Variants in CDH4 observed in about 807,000 individuals in gnomAD.
The protein encoded by CDH4 is cadherin 4.
In CDH4, 33 loss-of-function variants were observed where a neutral mutation model predicts 86.0. The ratio of observed to expected loss-of-function variants is 0.38; its 90% CI spans 0.29 to 0.51. The LOEUF (loss-of-function observed/expected upper bound fraction) is 0.51, where lower values mean the gene tolerates loss of function less well. Ranked by LOEUF, CDH4 falls within the 20% of genes least tolerant of loss-of-function variation. CDH4 has a pLI of 0.86. For missense variants in CDH4, 1,114 were observed against 1,307.4 expected (o/e 0.85, Z 2.28); for synonymous variants, 555 against 549.4 (o/e 1.01, Z -0.14).
intron 2 of CDH4, among the ~76,000 whole-genome samples, chr20:61,656,228 C>T (rs1049486195): frequency 9.1e-5 from 9 of 98,474 alleles, no homozygotes; most frequent in South Asian, 7.2e-4. Flanking sequence ...CGGGCAGGCG[C>T]GTGCTGGGGT....
intron 8 of CDH4, among the ~76,000 whole-genome samples, chr20:61,909,490 A>T (rs1013801157): frequency 6.6e-6 from 1 of 152,200 alleles, no homozygotes; most frequent in Non-Finnish European, 1.5e-5. Flanking sequence ...ACAGGAATTT[A>T]TTCTGTCAGT....
chr20:61,699,287 A>AG (rs60065327), intron 2 of CDH4, among the ~76,000 whole-genome samples: 2,424 of 152,174 alleles, frequency 0.016, 65 homozygotes, highest in African/African-American at 0.056. Flanking sequence ...CTGGCTGATG[A>AG]GGGGGCAGAG....
chr20:61,678,488 G>A (rs1435684670), intron 2 of CDH4, among the ~76,000 whole-genome samples: 3 of 152,208 alleles, frequency 2.0e-5, no homozygotes, highest in Admixed American at 1.3e-4. Flanking sequence ...ATGCGAAAGT[G>A]TGGTGGGCGC....
chr20:61,538,916 C>T (rs1303015106), intron 2 of CDH4, among the ~76,000 whole-genome samples: 2 of 152,292 alleles, frequency 1.3e-5, no homozygotes, highest in East Asian at 1.9e-4. Context: ...GGAGGTTGCC[C>T]CAGGGCACCG....
At chr20:61,644,636 C>T (rs1377273322) in intron 2 of CDH4, among the ~76,000 whole-genome samples, 1 of 152,224 alleles carries the variant, frequency 6.6e-6, no homozygotes, top group African/African-American at 2.4e-5. Context: ...CCCCAGGCCC[C>T]ACCCGCTGCC....
chr20:61,458,221 G>T (rs4925362), intron 2 of CDH4, among the ~76,000 whole-genome samples: 51,869 of 150,590 alleles, frequency 0.34, 10,759 homozygotes, highest in Admixed American at 0.48. Flanking sequence ...TGACAGTGCT[G>T]ATGGTGGTGG....
chr20:61,489,829 A>G (rs2085616230), intron 2 of CDH4, among the ~76,000 whole-genome samples: 1 of 152,194 alleles, frequency 6.6e-6, no homozygotes, highest in Non-Finnish European at 1.5e-5. Context: ...ATCCTAAACC[A>G]CTGTGCTGGC....
chr20:61,581,705 C>G (rs1234537241), intron 2 of CDH4, among the ~76,000 whole-genome samples: 1 of 152,224 alleles, frequency 6.6e-6, no homozygotes, highest in East Asian at 1.9e-4. Flanking sequence ...CATCCCAAGG[C>G]CCCGACTGCA....
chr20:61,437,287 C>A (rs2085288920), intron 2 of CDH4: 1 of 152,198 alleles, frequency 6.6e-6, no homozygotes, highest in African/African-American at 2.4e-5. Context: ...TGCCTTGATG[C>A]ACATTTCTTT....
chr20:61,403,373 T>A (rs928472854), intron 2 of CDH4, among the ~76,000 whole-genome samples: 4 of 152,182 alleles, frequency 2.6e-5, no homozygotes, highest in African/African-American at 9.7e-5. Context: ...GTAACTTATT[T>A]TTTCTGGAGC....
intron 2 of CDH4, among the ~76,000 whole-genome samples, chr20:61,490,455 C>T (rs1204543273): frequency 6.6e-6 from 1 of 152,302 alleles, no homozygotes; most frequent in African/African-American, 2.4e-5. Flanking sequence ...AATGCCAGCA[C>T]TTTGGGAGGC....
At chr20:61,282,728 CCCA>C (rs1211099477) in intron 2 of CDH4, among the ~76,000 whole-genome samples, 10 of 152,240 alleles carry the variant, frequency 6.6e-5, no homozygotes, top group East Asian at 1.9e-4. Context: ...TGTGTGCATG[CCCA>C]CAAGCATGCA....
In CDH4 at chr20:61,910,446, C is replaced by G; in HGVS notation, c.1213C>G (p.Arg405Gly). ...STFAGEVPEN[R>G]VETVVANLTV... Reference sequence around the variant, plus strand: ...GTTTGCAGGGGAGGTCCCCGAAAACCGCGTGGAGACCGTGGTCGCAAACCT... The same window carrying G: ...GTTTGCAGGGGAGGTCCCCGAAAACGGCGTGGAGACCGTGGTCGCAAACCT... Residue 405 changes from arginine (R) to glycine (G), a missense_variant, in exon 9 of 16, where the codon CGC becomes GGC. Arg to Gly is a moderately radical substitution (Grantham distance 125). Coordinates refer to ENST00000614565, the MANE Select transcript of CDH4 (RefSeq NM_001794.5). 6.2e-7 allele frequency: 1 copy of G among 1,613,754 alleles called. No homozygotes were observed. Among genetic ancestry groups the G allele is most frequent in the South Asian group, 1.1e-5 (1 of 91,088 alleles).
intron 2 of CDH4, among the ~76,000 whole-genome samples, chr20:61,386,960 C>G (rs990018618): frequency 4.6e-5 from 7 of 152,254 alleles, no homozygotes; most frequent in African/African-American, 1.7e-4. Flanking sequence ...ATGTAAGCTG[C>G]CCATGGGAGG....
chr20:61,533,604 T>C (rs947999129), intron 2 of CDH4, among the ~76,000 whole-genome samples: 3 of 152,212 alleles, frequency 2.0e-5, no homozygotes, highest in Non-Finnish European at 2.9e-5. Flanking sequence ...GAGGGGCCCC[T>C]CTGGCTGCCT....
chr20:61,929,789 G>C lies in CDH4; in HGVS notation c.2186G>C (p.Gly729Ala). Residue 729 changes from glycine (G) to alanine (A), a missense_variant, in exon 13 of 16, where the codon GGT (glycine) becomes GCT (alanine). Coordinates refer to ENST00000614565, the MANE Select transcript of CDH4 (RefSeq NM_001794.5). ...CTTIGAVAAA[G>A]LGTGAIVAIL... Reference sequence around the variant, plus strand: ...ACCATTGGCGCAGTGGCAGCGGCTGGTCTGGGCACCGGTGCCATCGTGGCC... The same window carrying C: ...ACCATTGGCGCAGTGGCAGCGGCTGCTCTGGGCACCGGTGCCATCGTGGCC... 6.2e-7 allele frequency: 1 copy of C among 1,614,042 alleles called. No homozygotes were observed. Among genetic ancestry groups the C allele is most frequent in the Non-Finnish European group, 8.5e-7 (1 of 1,180,036 alleles).
At chr20:61,590,529 G>A (rs931240921) in intron 2 of CDH4, among the ~76,000 whole-genome samples, 4 of 152,160 alleles carry the variant, frequency 2.6e-5, no homozygotes, top group Non-Finnish European at 4.4e-5. Context: ...ATAGAAACAC[G>A]TGTCTGCGTG....
intron 2 of CDH4, among the ~76,000 whole-genome samples, chr20:61,492,651 C>T (rs768911984): frequency 5.9e-5 from 9 of 152,056 alleles, no homozygotes; most frequent in Admixed American, 2.0e-4. Context: ...CTGGCAATGC[C>T]GTGGTGAAAA....
At chr20:61,923,884 G>C (rs1406794814) in intron 10 of CDH4, among the ~76,000 whole-genome samples, 180 bp downstream of exon 10, 1 of 152,216 alleles carries the variant, frequency 6.6e-6, no homozygotes, top group Non-Finnish European at 1.5e-5. Context: ...CAGATAGCCA[G>C]ATGCAGCCCC....
Sources: gnomAD v4.1 joint callset for allele counts (sites outside exome capture counted in the v4.1 genomes callset) on GRCh38, gnomAD v4.1.1 for gene constraint, MANE v1.5 for transcripts, NCBI Gene and HGNC (gene_info 2026-07-23, HGNC 2026-07-21) for gene names.